KANSL1: variants seen among roughly 807,000 people sequenced by gnomAD.
KANSL1 encodes KAT8 regulatory NSL complex subunit 1.
In KANSL1, 22 loss-of-function variants were observed where a neutral mutation model predicts 103.6. The observed-to-expected ratio is 0.21, with a 90% CI of 0.15 to 0.30. The LOEUF (loss-of-function observed/expected upper bound fraction) is 0.30, where lower values mean the gene tolerates loss of function less well. Ranked by LOEUF, KANSL1 falls within the 10% of genes least tolerant of loss-of-function variation. The pLI is 1.00. For missense variants in KANSL1, 1,337 were observed against 1,399.8 expected, an observed-to-expected ratio of 0.96 and a Z score of 0.72; for synonymous variants, 600 against 527.6, an observed-to-expected ratio of 1.14 and a Z score of -1.88.
chr17:46,172,053 G>A lies in KANSL1; in HGVS notation c.91C>T (p.Pro31Ser). Residue 31 changes from proline to serine, a missense_variant, in exon 2 of 15, where the codon CCT (proline) becomes TCT (serine). Transcript: ENST00000432791. ...KLAPPSSTLSPGSAENNGNAN... is the reference protein window; with the variant it reads ...KLAPPSSTLSSGSAENNGNAN... ...TTGCCGTTATTTTCGGCACTGCCAGGGGACAAGGTAGAGGATGGGGGAGCC... is the reference window on the plus strand; with the variant it reads ...TTGCCGTTATTTTCGGCACTGCCAGAGGACAAGGTAGAGGATGGGGGAGCC... The A allele has an allele frequency of 6.2e-7, 1 of 1,614,198 alleles. No homozygotes were observed. The highest frequency in any genetic ancestry group is 8.5e-7 in the Non-Finnish European group (1 of 1,180,052).
chr17:46,048,689 G>T (rs571190174), intron 7 of KANSL1, among the ~76,000 whole-genome samples: 1 of 152,232 alleles, frequency 6.6e-6, no homozygotes, highest in Non-Finnish European at 1.5e-5. Flanking sequence ...TCCAGATTAT[G>T]AAAGCGCTGG....
intron 4 of KANSL1, among the ~76,000 whole-genome samples, chr17:46,075,344 T>A (rs557445057): frequency 4.4e-5 from 5 of 112,820 alleles, no homozygotes; most frequent in South Asian, 2.4e-4. Context: ...ACACACACAC[T>A]CTCTCTTTCT....
chr17:46,147,871 G>A (rs538394387), intron 2 of KANSL1, among the ~76,000 whole-genome samples: 15 of 152,274 alleles, frequency 9.9e-5, no homozygotes, highest in African/African-American at 3.6e-4. Flanking sequence ...GAAAGGCTTA[G>A]GAATCTGAAT....
At position 46,171,579 on chromosome 17, in the gene KANSL1, G is replaced by A; in HGVS notation, c.565C>T (p.His189Tyr). Reference protein sequence around the residue: ...GKRALTSSALHGGEMGGSESG... With the variant: ...GKRALTSSALYGGEMGGSESG... ...TCAGATCCTCCCATTTCACCCCCAT[G>A]AAGAGCAGATGAAGTGAGAGCCCGT... Residue 189 changes from histidine (H) to tyrosine (Y), a missense_variant, in exon 2 of 15, where the codon CAT becomes TAT. Physicochemically the swap from His to Tyr is moderately conservative, Grantham distance 83. Transcript: ENST00000432791. 1.9e-6 allele frequency: 3 copies of A among 1,603,744 alleles called. No homozygotes were observed. Among genetic ancestry groups the A allele is most frequent in the Non-Finnish European group, 2.6e-6 (3 of 1,175,568 alleles).
chr17:46,033,358 C>A, intron 12 of KANSL1, 45 bp downstream of exon 12: 3 of 1,568,166 alleles, frequency 1.9e-6, no homozygotes, highest in Non-Finnish European at 2.6e-6. Flanking sequence ...TGTATGTGTG[C>A]ATGTGTACAC....
chr17:46,220,860 A>G (rs1758360620), intron 1 of KANSL1, among the ~76,000 whole-genome samples: 1 of 151,670 alleles, frequency 6.6e-6, no homozygotes, highest in Non-Finnish European at 1.5e-5. Flanking sequence ...GCTAGTTTTT[A>G]TATTTTCAGT....
intron 3 of KANSL1, among the ~76,000 whole-genome samples, chr17:46,090,598 A>C (rs888636770): frequency 1.3e-5 from 2 of 152,254 alleles, no homozygotes; most frequent in African/African-American, 4.8e-5. Flanking sequence ...AGCTGGTAGC[A>C]AAGCCACGAT....
intron 6 of KANSL1, among the ~76,000 whole-genome samples, chr17:46,056,952 T>C (rs1357570284): frequency 6.6e-6 from 1 of 152,198 alleles, no homozygotes; most frequent in Non-Finnish European, 1.5e-5. Flanking sequence ...GAGTAATTAC[T>C]ACAGATATTG....
intron 2 of KANSL1, among the ~76,000 whole-genome samples, chr17:46,160,045 T>C (rs2045648293): frequency 6.6e-6 from 1 of 152,240 alleles, no homozygotes; most frequent in Non-Finnish European, 1.5e-5. Context: ...TTCCAGGAGT[T>C]ATCTTCTATT....
chr17:46,038,458 C>A, intron 10 of KANSL1, 80 bp downstream of exon 10: 2 of 1,506,602 alleles, frequency 1.3e-6, no homozygotes, highest in East Asian at 2.3e-5. Flanking sequence ...ATAACCCACC[C>A]TCACACTGTC....
At chr17:46,131,071 C>T (rs894674985) in intron 2 of KANSL1, among the ~76,000 whole-genome samples, 3 of 152,198 alleles carry the variant, frequency 2.0e-5, no homozygotes, top group South Asian at 2.1e-4. Flanking sequence ...AGCTGATCTT[C>T]ACCTCATTAT....
intron 1 of KANSL1, 176 bp downstream of exon 1, chr17:46,192,647 G>C (rs1311940326): frequency 1.3e-5 from 2 of 153,172 alleles, no homozygotes; most frequent in African/African-American, 2.4e-5. Context: ...TCCCAGCCCG[G>C]ACCCGCAGCA....
intron 4 of KANSL1, among the ~76,000 whole-genome samples, chr17:46,077,932 T>C (rs1030756582): frequency 6.8e-6 from 1 of 146,972 alleles, no homozygotes; most frequent in Non-Finnish European, 1.6e-5. Flanking sequence ...TTTTTTTCCA[T>C]CTTTTTTTTT....
chr17:46,094,658 T>G lies in KANSL1; in HGVS notation c.1333A>C (p.Ile445Leu). 6.2e-7 allele frequency: 1 copy of G among 1,614,158 alleles called. No individual in the cohort carries two copies. The highest frequency in any genetic ancestry group is 8.5e-7 in the Non-Finnish European group (1 of 1,180,042). The change falls in exon 3 of 15, where the codon ATT becomes CTT. Residue 445 changes from isoleucine to leucine, a missense_variant. Coordinates refer to ENST00000432791, the MANE Select transcript of KANSL1 (RefSeq NM_015443.4). The part of the protein sequence containing the change: ...EWKWAADRAA[I>L]VSRWNWLQAH... The stretch of plus-strand genomic sequence containing the variant: ...TGAAGCCAGTTCCAGCGGCTGACAA[T>G]AGCTGCCCGGTCTGCAGCCCATTTC...
chr17:46,180,452 C>T (rs1305205492), intron 1 of KANSL1, among the ~76,000 whole-genome samples: 6 of 152,062 alleles, frequency 3.9e-5, no homozygotes, highest in Non-Finnish European at 7.3e-5. Context: ...GAGCCGAGAT[C>T]GCACCATTGC....
In KANSL1 at chr17:46,095,909, C is replaced by T. The variant is rs558890963; in HGVS notation, c.1290-1208G>A. 3.3e-5 allele frequency among the ~76,000 whole-genome samples: 5 copies of T among 152,116 alleles called. No homozygotes were observed. In the South Asian group the frequency reaches 8.3e-4, roughly 25 times the overall value. On this transcript the variant is annotated intron_variant, in intron 2 of 14. Coordinates refer to ENST00000432791, the MANE Select transcript of KANSL1 (RefSeq NM_015443.4). ...ATAAATATATAAAAATGTGTCATCTCGTTAAAATTTGGTTAAAATATAAAT... is the reference window on the plus strand; with the variant it reads ...ATAAATATATAAAAATGTGTCATCTTGTTAAAATTTGGTTAAAATATAAAT...
At chr17:46,120,206 T>C (rs1182694714) in intron 2 of KANSL1, among the ~76,000 whole-genome samples, 1 of 152,064 alleles carries the variant, frequency 6.6e-6, no homozygotes, top group Non-Finnish European at 1.5e-5. Context: ...GCCATGTAAG[T>C]TAAAAAAGAA....
intron 1 of KANSL1, among the ~76,000 whole-genome samples, chr17:46,185,541 T>C (rs2046979397): frequency 6.6e-6 from 1 of 152,082 alleles, no homozygotes; most frequent in African/African-American, 2.4e-5. Flanking sequence ...TCAACAGAAA[T>C]ATTCTCATAG....
At chr17:46,152,353 A>C (rs2045154096) in intron 2 of KANSL1, among the ~76,000 whole-genome samples, 1 of 152,212 alleles carries the variant, frequency 6.6e-6, no homozygotes, top group Admixed American at 6.5e-5. Context: ...ACAAACATTC[A>C]CTTCTTAATA....
Sources: gnomAD v4.1 joint callset for allele counts (sites outside exome capture counted in the v4.1 genomes callset) on GRCh38, gnomAD v4.1.1 for gene constraint, MANE v1.5 for transcripts, NCBI Gene and HGNC (gene_info 2026-07-23, HGNC 2026-07-21) for gene names.